Variants in MAGI1 observed in about 807,000 individuals in gnomAD.
The protein encoded by MAGI1 is membrane associated guanylate kinase, WW and PDZ domain containing 1.
Under a neutral mutation model 139.9 loss-of-function variants are expected in MAGI1, and 58 were observed. The ratio of observed to expected loss-of-function variants is 0.41; its 90% CI spans 0.34 to 0.52. The LOEUF is 0.52. Among genes scored for constraint, MAGI1 ranks in the 20% least tolerant of loss-of-function variants. MAGI1 has a pLI of 0.12. For missense variants in MAGI1, 1,874 were observed against 1,901.6 expected, an observed-to-expected ratio of 0.99 and a Z score of 0.27; for synonymous variants, 812 against 737.9, an observed-to-expected ratio of 1.10 and a Z score of -1.63.
chr3:65,819,832 A>ACAC (rs1433275289), intron 1 of MAGI1, among the ~76,000 whole-genome samples: 1 of 134,630 alleles, frequency 7.4e-6, no homozygotes, highest in Non-Finnish European at 1.6e-5. Context: ...AGCCGAGATC[A>ACAC]CACCACTGCA....
At chr3:65,867,604 C>G (rs2059774566) in intron 1 of MAGI1, among the ~76,000 whole-genome samples, 1 of 152,158 alleles carries the variant, frequency 6.6e-6, no homozygotes, top group Non-Finnish European at 1.5e-5. Context: ...GTATAGTGGC[C>G]CACGCCTAAA....
intron 1 of MAGI1, among the ~76,000 whole-genome samples, chr3:65,946,247 A>T (rs1345300201): frequency 6.6e-6 from 1 of 152,224 alleles, no homozygotes; most frequent in Non-Finnish European, 1.5e-5. Context: ...GGAATAAAAA[A>T]TGTGTTACTT....
intron 1 of MAGI1, among the ~76,000 whole-genome samples, chr3:65,638,795 C>T (rs1011475109): frequency 2.0e-5 from 3 of 151,392 alleles, no homozygotes; most frequent in Admixed American, 6.6e-5. Flanking sequence ...TTAGTAGAGA[C>T]GGGGTTTCAC....
At chr3:66,017,745 G>A (rs762546036) in intron 1 of MAGI1, among the ~76,000 whole-genome samples, 5 of 152,220 alleles carry the variant, frequency 3.3e-5, no homozygotes, top group East Asian at 1.9e-4. Flanking sequence ...GTTATCATCC[G>A]TATAGGTCTA....
intron 1 of MAGI1, among the ~76,000 whole-genome samples, chr3:65,806,179 C>G (rs2040842044): frequency 6.6e-6 from 1 of 151,840 alleles, no homozygotes; most frequent in Admixed American, 6.6e-5. Context: ...GCCTGTAATC[C>G]CAGCACTTTG....
intron 1 of MAGI1, among the ~76,000 whole-genome samples, chr3:65,722,765 G>A (rs886617179): frequency 2.0e-5 from 3 of 149,990 alleles, no homozygotes; most frequent in Admixed American, 6.6e-5. Flanking sequence ...TATGAACAAC[G>A]TTAGCAGAAG....
At chr3:65,826,587 G>T (rs1325899974) in intron 1 of MAGI1, among the ~76,000 whole-genome samples, 2 of 152,116 alleles carry the variant, frequency 1.3e-5, no homozygotes, top group African/African-American at 4.8e-5. Flanking sequence ...TACATATGCT[G>T]GCCTTCATCA....
intron 18 of MAGI1, among the ~76,000 whole-genome samples, chr3:65,368,050 G>T (rs1221730265): frequency 6.6e-6 from 1 of 151,976 alleles, no homozygotes; most frequent in Admixed American, 6.6e-5. Context: ...TCTTCATTTG[G>T]AATTAAACCA....
intron 1 of MAGI1, among the ~76,000 whole-genome samples, chr3:65,773,509 T>C (rs2038124333): frequency 6.6e-6 from 1 of 152,108 alleles, no homozygotes; most frequent in Non-Finnish European, 1.5e-5. Context: ...CTCCAGCCTA[T>C]GCAACAGAGC....
chr3:65,361,055 C>G (rs541892226), intron 22 of MAGI1, 144 bp downstream of exon 22: 2 of 1,540,110 alleles, frequency 1.3e-6, no homozygotes, highest in Non-Finnish European at 1.8e-6. Context: ...TCAGAACAAG[C>G]GAGGCAAATA....
intron 1 of MAGI1, among the ~76,000 whole-genome samples, chr3:66,026,070 T>C (rs1210690502): frequency 6.6e-6 from 1 of 152,104 alleles, no homozygotes; most frequent in Non-Finnish European, 1.5e-5. Context: ...TCTTGAGTTC[T>C]GAATTCTTAA....
chr3:65,766,960 C>G (rs925959968), intron 1 of MAGI1, among the ~76,000 whole-genome samples: 2 of 152,108 alleles, frequency 1.3e-5, no homozygotes, highest in African/African-American at 4.8e-5. Context: ...GGGTTCTAGT[C>G]CGAATTTGGT....
intron 1 of MAGI1, among the ~76,000 whole-genome samples, chr3:65,859,890 G>GT (rs1202269388): frequency 2.8e-3 from 12 of 4,228 alleles, no homozygotes; most frequent in African/African-American, 0.017. Context: ...GTGTTTTTTT[G>GT]TTTGTTTTTG....
intron 14 of MAGI1, among the ~76,000 whole-genome samples, chr3:65,386,410 C>T (rs1271311593): frequency 1.3e-5 from 2 of 152,128 alleles, no homozygotes; most frequent in Non-Finnish European, 1.5e-5. Context: ...CACACAGACA[C>T]GTTACAAAGA....
At chr3:65,798,358 A>G (rs922982930) in intron 1 of MAGI1, among the ~76,000 whole-genome samples, 1 of 152,140 alleles carries the variant, frequency 6.6e-6, no homozygotes, top group African/African-American at 2.4e-5. Flanking sequence ...AGCACTGAAA[A>G]TGACAACCCC....
chr3:65,684,393 T>A (rs2087842998), intron 1 of MAGI1, among the ~76,000 whole-genome samples: 1 of 152,162 alleles, frequency 6.6e-6, no homozygotes, highest in African/African-American at 2.4e-5. Flanking sequence ...AACTGTGGTA[T>A]ACACATATCA....
chr3:65,632,422 T>C (rs2084366144), intron 1 of MAGI1, among the ~76,000 whole-genome samples: 1 of 152,200 alleles, frequency 6.6e-6, no homozygotes, highest in Admixed American at 6.5e-5. Context: ...AAAATTAATT[T>C]GGAGTATGGC....
rs186582403 is a variant in MAGI1 at position 66,016,260 on chromosome 3, T to G, written c.313+21736A>C. Among the ~76,000 whole-genome samples the G allele has an allele frequency of 3.0e-4, 46 of 152,284 alleles. No individual in the cohort carries two copies. The East Asian group carries it at 3.7e-3, about 12-fold the overall frequency. On this transcript the variant is annotated intron_variant, in intron 1 of 22. Transcript: ENST00000402939. ...CCGAGAGTTGACTGCATCATTTCAT[T>G]GAATCCCTGTAGCAATCATATAAGA...
At chr3:66,014,583 A>G (rs1013734151) in intron 1 of MAGI1, among the ~76,000 whole-genome samples, 3 of 152,188 alleles carry the variant, frequency 2.0e-5, no homozygotes, top group African/African-American at 4.8e-5. Context: ...ACACAGCCCC[A>G]CATATATCTT....
Sources: gnomAD v4.1 joint callset for allele counts (sites outside exome capture counted in the v4.1 genomes callset) on GRCh38, gnomAD v4.1.1 for gene constraint, MANE v1.5 for transcripts, NCBI Gene and HGNC (gene_info 2026-07-23, HGNC 2026-07-21) for gene names.